The following FNIP2 variants were observed in gnomAD, a reference collection of about 807,000 sequenced individuals.
FNIP2 encodes folliculin interacting protein 2, also known as folliculin-interacting protein 2.
In FNIP2, 32 loss-of-function variants were observed where a neutral mutation model predicts 108.7. The observed-to-expected ratio is 0.29, with a 90% CI of 0.22 to 0.40. The LOEUF is 0.40. Among genes scored for constraint, FNIP2 ranks in the 10% least tolerant of loss-of-function variants. The probability of loss-of-function intolerance (pLI) is 1.00; values close to 1 mark genes in which losing one functional copy is unlikely to be tolerated. For synonymous variants in FNIP2, 480 were observed against 496.7 expected (o/e 0.97, Z 0.45); for missense variants, 1,202 against 1,381.6 (o/e 0.87, Z 2.06).
intron 14 of FNIP2, among the ~76,000 whole-genome samples, chr4:158,883,302 C>A (rs972977232): frequency 2.0e-5 from 3 of 151,966 alleles, no homozygotes; most frequent in Non-Finnish European, 4.4e-5. Flanking sequence ...AGTGCAGTGG[C>A]GCAGTCTCGG....
At chr4:158,809,513 C>T (rs572144027) in intron 1 of FNIP2, among the ~76,000 whole-genome samples, 4 of 152,206 alleles carry the variant, frequency 2.6e-5, no homozygotes, top group Admixed American at 1.3e-4. Flanking sequence ...TGGTATCATC[C>T]TCAAATAATT....
Position 158,868,374 on chromosome 4 carries a change from C to G in FNIP2, c.1738C>G (p.Pro580Ala), listed in dbSNP as rs188016133. 6.2e-7 allele frequency: 1 copy of G among 1,613,800 alleles called. No homozygotes were observed. Among genetic ancestry groups the G allele is most frequent in the East Asian group, 2.2e-5 (1 of 44,894 alleles). ...ITVRNEPALV[P>A]PILPPTAAER... ...GGTGAGGAACGAGCCCGCTCTTGTA[C>G]CCCCCATCCTACCACCAACAGCAGC... is the stretch of plus-strand genomic sequence containing the variant. Residue 580 changes from proline to alanine, a missense_variant, in exon 13 of 17, where the codon CCC becomes GCC. Pro to Ala is a conservative substitution (Grantham distance 27). This residue lies in a region of FNIP2 where 878 missense variants were observed against 990.3 expected (regional missense o/e 0.89). Coordinates refer to ENST00000264433, the MANE Select transcript of FNIP2 (RefSeq NM_020840.3). The surrounding 1 kb of genome is among the most constrained non-coding windows in gnomAD (Gnocchi z 4.6).
Position 158,861,391 on chromosome 4 carries a change from T to C in FNIP2, c.1198T>C (p.Trp400Arg), listed in dbSNP as rs766534601. The change falls in exon 11 of 17, where the codon TGG becomes CGG. Residue 400 changes from tryptophan to arginine, a missense_variant. Trp to Arg is a moderately radical substitution (Grantham distance 101). Transcript: ENST00000264433. ...TGTTCCAAGGATAGCTGAACCTGTATGGCTTACTATGATGTCCGGCACTTT... is the reference window on the plus strand; with the variant it reads ...TGTTCCAAGGATAGCTGAACCTGTACGGCTTACTATGATGTCCGGCACTTT... ...YSVPRIAEPV[W>R]LTMMSGTLEK... 6.2e-7 allele frequency: 1 copy of C among 1,614,044 alleles called. No homozygotes were observed. Among genetic ancestry groups the C allele is most frequent in the Non-Finnish European group, 8.5e-7 (1 of 1,179,896 alleles).
chr4:158,838,229 CTTTT>C (rs550985480), intron 7 of FNIP2, among the ~76,000 whole-genome samples: 2 of 117,618 alleles, frequency 1.7e-5, no homozygotes, highest in Admixed American at 9.5e-5. Flanking sequence ...TTTAGGCCTG[CTTTT>C]TTTTTTTTTT....
intron 14 of FNIP2, among the ~76,000 whole-genome samples, chr4:158,874,001 A>G (rs1217741187): frequency 6.6e-6 from 1 of 152,180 alleles, no homozygotes; most frequent in Non-Finnish European, 1.5e-5. Context: ...GACTGTATAC[A>G]GGGTTACTGT....
rs183371631 is a variant in FNIP2 at position 158,882,785 on chromosome 4, A to G, written c.2950-8661A>G. Among the ~76,000 whole-genome samples the G allele has an allele frequency of 1.2e-3, 189 of 152,308 alleles. No homozygotes were observed. The Middle Eastern group carries it at 0.024, about 19-fold the overall frequency. On this transcript the variant is annotated intron_variant, in intron 14 of 16. Transcript: ENST00000264433. ...GTGCAAGATGTGCTTTGTTAAACAG[A>G]TGCTTGAAGGCAGCATGCTCCTTAA...
chr4:158,893,839 A>G, intron 15 of FNIP2: 1 of 628,700 alleles, frequency 1.6e-6, no homozygotes, highest in African/African-American at 1.8e-5. Flanking sequence ...TATCAAAGCA[A>G]TAAATTGTTA....
chr4:158,851,488 G>A (rs376556859), intron 8 of FNIP2, 38 bp downstream of exon 8: 10 of 1,606,758 alleles, frequency 6.2e-6, no homozygotes, highest in Non-Finnish European at 8.5e-6. Context: ...AAAAGTAGGA[G>A]TGTAGGCAGC....
chr4:158,832,912 G>A (rs763830842), intron 5 of FNIP2, among the ~76,000 whole-genome samples: 4 of 151,884 alleles, frequency 2.6e-5, no homozygotes, highest in African/African-American at 4.8e-5. Context: ...TCTTTCTGTC[G>A]TCGTTTTTGT....
At chr4:158,782,881 G>A (rs1042811490) in intron 1 of FNIP2, among the ~76,000 whole-genome samples, 5 of 152,148 alleles carry the variant, frequency 3.3e-5, no homozygotes, top group Non-Finnish European at 7.4e-5. Context: ...CAAGGGAAGC[G>A]CACAACCTCT....
intron 15 of FNIP2, 107 bp from the exon 16 acceptor site, chr4:158,895,643 G>T: frequency 1.5e-6 from 1 of 684,168 alleles, no homozygotes; most frequent in Non-Finnish European, 2.6e-6. Flanking sequence ...TGAAACTGAT[G>T]AGATAAAAGC....
At chr4:158,861,278 C>T in intron 10 of FNIP2, 64 bp from the exon 11 acceptor site, 1 of 1,520,016 alleles carries the variant, frequency 6.6e-7, no homozygotes, top group Non-Finnish European at 8.8e-7. Flanking sequence ...TATTCTTTTA[C>T]ACCAAGATTA....
chr4:158,885,889 G>T (rs534654125), intron 14 of FNIP2, among the ~76,000 whole-genome samples: 1 of 152,168 alleles, frequency 6.6e-6, no homozygotes, highest in South Asian at 2.1e-4. Context: ...CAGCTCTTGC[G>T]ATTCTCTAAA....
In FNIP2 at chr4:158,877,788, A is replaced by G. The variant is rs1781364539; in HGVS notation, c.2949+7319A>G. ...AGCAGTAGTCAAAATCTGAAGTAGAATTAGCAGGGGCGTGATGGCTGTGTG... is the reference window on the plus strand; with the variant it reads ...AGCAGTAGTCAAAATCTGAAGTAGAGTTAGCAGGGGCGTGATGGCTGTGTG... On this transcript the variant is annotated intron_variant, in intron 14 of 16. Coordinates refer to ENST00000264433, the MANE Select transcript of FNIP2 (RefSeq NM_020840.3). 2.0e-5 allele frequency among the ~76,000 whole-genome samples: 3 copies of G among 152,206 alleles called. No homozygotes were observed. In the South Asian group the frequency reaches 6.2e-4, roughly 31 times the overall value.
chr4:158,808,048 G>A (rs916839109), intron 1 of FNIP2, among the ~76,000 whole-genome samples: 27 of 152,268 alleles, frequency 1.8e-4, no homozygotes, highest in African/African-American at 6.3e-4. Context: ...CTGCCCAGGA[G>A]CCTCTAACCC....
intron 1 of FNIP2, chr4:158,808,601 G>A (rs114350204): frequency 6.6e-6 from 1 of 152,198 alleles, no homozygotes; most frequent in African/African-American, 2.4e-5. Flanking sequence ...ACTTCTTTAG[G>A]ACTTGGGCCA....
intron 15 of FNIP2, chr4:158,893,787 C>T: frequency 9.6e-7 from 1 of 1,039,666 alleles, no homozygotes. Flanking sequence ...TTTTATATTT[C>T]ATTCTATAAT....
intron 3 of FNIP2, among the ~76,000 whole-genome samples, chr4:158,830,492 G>A (rs1778418901): frequency 6.6e-6 from 1 of 151,956 alleles, no homozygotes; most frequent in South Asian, 2.1e-4. Flanking sequence ...TCGATCTCCT[G>A]ACCTCATGAT....
rs564586171 is a variant in FNIP2, at chr4:158,857,893, AG to A, written c.858-1163del. On this transcript the variant is annotated intron_variant, in intron 8 of 16. Transcript: ENST00000264433. ...AGCCTGGGAAATTGAGGCTGCAGTG[AG>A]CCATGATCACACCACTGCACCCCAG... 2.8e-3 allele frequency among the ~76,000 whole-genome samples: 422 copies of A among 152,194 alleles called. 3 individuals carry two copies. The highest frequency in any genetic ancestry group is 9.7e-3 in the African/African-American group (401 of 41,512).
Sources: gnomAD v4.1 joint callset for allele counts (sites outside exome capture counted in the v4.1 genomes callset) on GRCh38, gnomAD v4.1.1 for gene constraint, gnomAD v4.1.1 regional missense constraint, Gnocchi (gnomAD v3.1) non-coding constraint, MANE v1.5 for transcripts, NCBI Gene and HGNC (gene_info 2026-07-23, HGNC 2026-07-21) for gene names.